Variants in ASPH observed in about 807,000 individuals in gnomAD.
ASPH encodes the protein aspartate beta-hydroxylase, also known as aspartyl/asparaginyl beta-hydroxylase.
A neutral mutation model predicts 118.4 loss-of-function variants in ASPH; 100 were observed. That is an observed-to-expected ratio of 0.84 (90% CI 0.72 to 1.00). The LOEUF (loss-of-function observed/expected upper bound fraction) is 1.00, where lower values mean the gene tolerates loss of function less well. ASPH is among the 50% of genes least tolerant of loss of function. ASPH has a pLI of 0.00. For missense variants in ASPH, 920 were observed against 919.5 expected (o/e 1.00, Z -0.01); for synonymous variants, 315 against 325.6 (o/e 0.97, Z 0.35).
At chr8:61,687,465 T>C (rs1204990295) in intron 1 of ASPH, 1 of 152,242 alleles carries the variant, frequency 6.6e-6, no homozygotes, top group Non-Finnish European at 1.5e-5. Context: ...TTAAGTTTTC[T>C]AGCTCTATGC....
Position 61,548,335 on chromosome 8 carries a change from G to A in ASPH, c.1627-127C>T, listed in dbSNP as rs16927479. The A allele has an allele frequency of 0.76, 866,073 of 1,133,340 alleles. 341,214 individuals carry two copies. The highest frequency in any genetic ancestry group is 0.81 in the Non-Finnish European group (680,654 of 835,848). 70.2% of individuals were successfully genotyped at this position (1,133,340 alleles called of 1,614,324 possible). A position where few individuals can be genotyped will look rare whatever the true frequency, so the allele number is the denominator to read the frequency against. The stretch of plus-strand genomic sequence containing the variant: ...ATTTAAATAAAGAGCTTACTGCTAG[G>A]TACTCAAATCTGTTGAAATCTGGTG... On this transcript the variant is annotated intron_variant, in intron 20 of 24. Transcript: ENST00000379454.
chr8:61,639,522 C>T (rs1015756613), intron 10 of ASPH, among the ~76,000 whole-genome samples: 6 of 152,128 alleles, frequency 3.9e-5, no homozygotes, highest in African/African-American at 9.7e-5. Flanking sequence ...TTTCGTTTCT[C>T]CCACTCAATC....
chr8:61,637,866 A>G, intron 12 of ASPH, 81 bp downstream of exon 12: 1 of 1,355,598 alleles, frequency 7.4e-7, no homozygotes, highest in South Asian at 1.3e-5. Flanking sequence ...GACAGCAAGT[A>G]GGAAATGTTC....
chr8:61,502,962 A>G lies in ASPH; in HGVS notation c.*397T>C, dbSNP rs1238240771. 6.4e-6 allele frequency: 1 copy of G among 155,056 alleles called. No individual in the cohort carries two copies. The highest frequency in any genetic ancestry group is 2.4e-5 in the African/African-American group (1 of 41,596). 9.6% of individuals were successfully genotyped at this position (155,056 alleles called of 1,614,324 possible). A position where few individuals can be genotyped will look rare whatever the true frequency, so the allele number is the denominator to read the frequency against. ...TACATGATGACAAAATAGTCTAGCT[A>G]CACTAGAAAAATATAACTGCATAGA... On this transcript the variant is annotated 3_prime_UTR_variant, in exon 25 of 25. Coordinates refer to ENST00000379454, the MANE Select transcript of ASPH (RefSeq NM_004318.4).
At chr8:61,676,519 A>G (rs1034897113) in intron 3 of ASPH, among the ~76,000 whole-genome samples, 1 of 152,116 alleles carries the variant, frequency 6.6e-6, no homozygotes, top group Non-Finnish European at 1.5e-5. Context: ...GAAAGCCACA[A>G]TTTGACCAAG....
intron 13 of ASPH, among the ~76,000 whole-genome samples, chr8:61,627,252 T>A (rs1389283685): frequency 6.6e-6 from 1 of 152,204 alleles, no homozygotes; most frequent in East Asian, 1.9e-4. Flanking sequence ...TAGGAAATAG[T>A]TATGAATAAG....
At chr8:61,677,793 A>G (rs1826098888) in intron 3 of ASPH, among the ~76,000 whole-genome samples, 1 of 152,166 alleles carries the variant, frequency 6.6e-6, no homozygotes, top group African/African-American at 2.4e-5. Flanking sequence ...TAGTATAAAC[A>G]TCTTTACTTT....
chr8:61,545,064 G>A (rs946990189), intron 21 of ASPH, among the ~76,000 whole-genome samples: 7 of 152,172 alleles, frequency 4.6e-5, no homozygotes, highest in African/African-American at 1.4e-4. Flanking sequence ...AAAGGGCAGT[G>A]GTAAGAGATA....
chr8:61,601,317 T>C (rs886239299), intron 14 of ASPH, among the ~76,000 whole-genome samples: 2 of 151,182 alleles, frequency 1.3e-5, no homozygotes, highest in Non-Finnish European at 2.9e-5. Context: ...CTGAGGCAGG[T>C]GGATCACGAG....
At chr8:61,611,458 T>A (rs1847341772) in intron 14 of ASPH, among the ~76,000 whole-genome samples, 1 of 152,226 alleles carries the variant, frequency 6.6e-6, no homozygotes, top group African/African-American at 2.4e-5. Context: ...GAGGCATGAA[T>A]GCCAGGAGGC....
At chr8:61,563,377 C>G (rs974495020) in intron 17 of ASPH, among the ~76,000 whole-genome samples, 9 of 152,170 alleles carry the variant, frequency 5.9e-5, no homozygotes, top group African/African-American at 2.2e-4. Context: ...GTGTACTCAT[C>G]TCTAGGTAAT....
intron 21 of ASPH, among the ~76,000 whole-genome samples, chr8:61,539,696 T>TGG (rs200259809): frequency 5.1e-4 from 17 of 33,334 alleles, no homozygotes; most frequent in African/African-American, 9.1e-4. Flanking sequence ...CTAACACTTC[T>TGG]GGGGTGTGTG....
At chr8:61,681,187 T>C (rs548824868) in intron 2 of ASPH, 151 bp from the exon 3 acceptor site, 2 of 528,404 alleles carry the variant, frequency 3.8e-6, no homozygotes, top group East Asian at 3.4e-5. Context: ...CAGTGTCAAA[T>C]GAATATCTTA....
chr8:61,620,401 C>G (rs1428193511), intron 13 of ASPH, among the ~76,000 whole-genome samples: 1 of 96,958 alleles, frequency 1.0e-5, no homozygotes, highest in Admixed American at 1.1e-4. Context: ...AAGTGCCAGT[C>G]TTGACTTTTG....
At chr8:61,664,237 T>C in intron 3 of ASPH, 2 of 964,628 alleles carry the variant, frequency 2.1e-6, no homozygotes, top group Non-Finnish European at 2.5e-6. Flanking sequence ...TGATCTCTAG[T>C]GAAGAGATTA....
chr8:61,625,536 T>C (rs531367603), intron 13 of ASPH: 2 of 985,262 alleles, frequency 2.0e-6, no homozygotes, highest in Non-Finnish European at 2.4e-6. Context: ...TTTTGCATGA[T>C]AATAGTAGGG....
At chr8:61,640,035 A>AT (rs1804371567) in intron 10 of ASPH, among the ~76,000 whole-genome samples, 2 of 152,076 alleles carry the variant, frequency 1.3e-5, no homozygotes, top group African/African-American at 4.8e-5. Flanking sequence ...TTAAACTATC[A>AT]TATCTGTCCT....
intron 1 of ASPH, among the ~76,000 whole-genome samples, chr8:61,705,922 A>C (rs1210816927): frequency 6.6e-6 from 1 of 152,252 alleles, no homozygotes; most frequent in Non-Finnish European, 1.5e-5. Context: ...CAAATCTATC[A>C]AAATGTTAAC....
At chr8:61,582,687 C>G (rs1282016806) in intron 15 of ASPH, among the ~76,000 whole-genome samples, 1 of 152,210 alleles carries the variant, frequency 6.6e-6, no homozygotes, top group Non-Finnish European at 1.5e-5. Flanking sequence ...CTCATTGGTA[C>G]ACTTTCAATA....
Sources: allele counts gnomAD v4.1 joint callset (sites outside exome capture counted in the v4.1 genomes callset), GRCh38; gene constraint gnomAD v4.1.1; transcripts MANE v1.5; gene names NCBI Gene and HGNC (gene_info 2026-07-23, HGNC 2026-07-21).